SYT9: variants seen among roughly 807,000 people sequenced by gnomAD.
The protein encoded by SYT9 is synaptotagmin 9, also known as synaptotagmin-9.
Under a neutral mutation model 48.4 loss-of-function variants are expected in SYT9, and 22 were observed. The observed-to-expected ratio is 0.45, with a 90% CI of 0.32 to 0.65. The LOEUF (loss-of-function observed/expected upper bound fraction) is 0.65. Among genes scored for constraint, SYT9 ranks in the 30% least tolerant of loss-of-function variants. The probability of loss-of-function intolerance (pLI) is 0.03; values close to 1 mark genes in which losing one functional copy is unlikely to be tolerated. For missense variants in SYT9, 577 were observed against 622.0 expected, an observed-to-expected ratio of 0.93 and a Z score of 0.77; for synonymous variants, 265 against 245.0, an observed-to-expected ratio of 1.08 and a Z score of -0.76.
chr11:7,321,646 C>A (rs1208185800), intron 3 of SYT9, among the ~76,000 whole-genome samples: 1 of 152,178 alleles, frequency 6.6e-6, no homozygotes. Flanking sequence ...AACAGTACTG[C>A]TCCATGCAGA....
chr11:7,249,432 A>C (rs184078293), upstream of SYT9, among the ~76,000 whole-genome samples: 94 of 152,300 alleles, frequency 6.2e-4, no homozygotes, highest in African/African-American at 2.2e-3. Context: ...TCACACTCCA[A>C]AAGGACACAT....
At chr11:7,274,886 C>A (rs939139053) in intron 1 of SYT9, among the ~76,000 whole-genome samples, 1 of 152,148 alleles carries the variant, frequency 6.6e-6, no homozygotes. Flanking sequence ...TCCTCATGGC[C>A]ACGTTCCTCA....
chr11:7,353,272 G>A (rs1455424843), intron 3 of SYT9, among the ~76,000 whole-genome samples: 6 of 152,026 alleles, frequency 3.9e-5, no homozygotes, highest in Non-Finnish European at 8.8e-5. Flanking sequence ...CTTCTGCAGG[G>A]AGGCACACTT....
At chr11:7,285,542 C>G (rs1848580827) in intron 1 of SYT9, among the ~76,000 whole-genome samples, 1 of 152,112 alleles carries the variant, frequency 6.6e-6, no homozygotes, top group African/African-American at 2.4e-5. Flanking sequence ...CCATATCATT[C>G]CAACCCTGGC....
chr11:7,427,172 G>A (rs1054911415), intron 6 of SYT9: 7 of 152,188 alleles, frequency 4.6e-5, no homozygotes, highest in African/African-American at 1.4e-4. Flanking sequence ...GAATTCCCAT[G>A]CAGTGGAGTA....
At chr11:7,239,432 A>G (rs765688809) in intron 1 of SYT9, among the ~76,000 whole-genome samples, 4 of 152,160 alleles carry the variant, frequency 2.6e-5, no homozygotes, top group Non-Finnish European at 5.9e-5. Context: ...ATGTCTCATT[A>G]GCCCTAATTA....
intron 1 of SYT9, among the ~76,000 whole-genome samples, chr11:7,245,504 A>G (rs1847782146): frequency 6.6e-6 from 1 of 151,908 alleles, no homozygotes; most frequent in Non-Finnish European, 1.5e-5. Flanking sequence ...TCAGCATATA[A>G]ACTGGAGGTT....
intron 3 of SYT9, among the ~76,000 whole-genome samples, chr11:7,362,142 A>AT (rs59675647): frequency 0.02 from 2,738 of 138,332 alleles, 57 homozygotes; most frequent in African/African-American, 0.047. Context: ...ATTTTATTTT[A>AT]TTTTTTTTTT....
chr11:7,257,324 T>C (rs1388736511), intron 1 of SYT9, among the ~76,000 whole-genome samples: 1 of 152,144 alleles, frequency 6.6e-6, no homozygotes, highest in Non-Finnish European at 1.5e-5. Context: ...ACATTTTTCT[T>C]TTAAGGGCTC....
intron 3 of SYT9, among the ~76,000 whole-genome samples, chr11:7,322,893 C>A (rs991495559): frequency 6.6e-6 from 1 of 151,992 alleles, no homozygotes; most frequent in Non-Finnish European, 1.5e-5. Context: ...TAAGAATAGG[C>A]TATTCAGTTT....
chr11:7,389,127 G>A (rs1380927091), intron 3 of SYT9, among the ~76,000 whole-genome samples: 1 of 152,168 alleles, frequency 6.6e-6, no homozygotes, highest in Non-Finnish European at 1.5e-5. Context: ...TAAACCCTTA[G>A]AATATTCTGC....
intron 3 of SYT9, among the ~76,000 whole-genome samples, chr11:7,316,959 T>G (rs1016687277): frequency 6.6e-6 from 1 of 152,262 alleles, no homozygotes; most frequent in Non-Finnish European, 1.5e-5. Flanking sequence ...TTTGTTTTCC[T>G]TTCCTTGTTG....
intron 3 of SYT9, among the ~76,000 whole-genome samples, chr11:7,374,526 A>T (rs558329651): frequency 6.6e-6 from 1 of 152,210 alleles, no homozygotes; most frequent in Non-Finnish European, 1.5e-5. Context: ...ACTAATTTAC[A>T]TTCCCACCAA....
At chr11:7,242,919 G>T (rs1847754432) in intron 1 of SYT9, among the ~76,000 whole-genome samples, 1 of 152,100 alleles carries the variant, frequency 6.6e-6, no homozygotes, top group Admixed American at 6.5e-5. Flanking sequence ...GATGGTGGGT[G>T]CCTGTAATCC....
chr11:7,427,748 T>C (rs1847491692), intron 6 of SYT9: 1 of 152,242 alleles, frequency 6.6e-6, no homozygotes, highest in African/African-American at 2.4e-5. Context: ...AAAAATAAAC[T>C]ATTTTGAATG....
intron 1 of SYT9, among the ~76,000 whole-genome samples, chr11:7,241,872 T>C (rs951404936): frequency 3.3e-5 from 5 of 152,210 alleles, no homozygotes; most frequent in African/African-American, 9.7e-5. Context: ...AGGAGACATA[T>C]TGTATGGTGG....
At chr11:7,243,451 G>T (rs1847759381) in intron 1 of SYT9, among the ~76,000 whole-genome samples, 1 of 152,130 alleles carries the variant, frequency 6.6e-6, no homozygotes, top group Non-Finnish European at 1.5e-5. Flanking sequence ...CAATATAGTG[G>T]ATCTCTCCCT....
intron 3 of SYT9, among the ~76,000 whole-genome samples, chr11:7,405,322 T>C (rs778789769): frequency 7.2e-5 from 11 of 152,088 alleles, no homozygotes; most frequent in Non-Finnish European, 1.2e-4. Context: ...TCCTCCACAG[T>C]TGTGACGAGC....
intron 3 of SYT9, among the ~76,000 whole-genome samples, chr11:7,379,510 T>C (rs181812305): frequency 1.7e-3 from 260 of 152,244 alleles, no homozygotes; most frequent in African/African-American, 6.0e-3. Context: ...TAGACTGTGA[T>C]AGAGAAGAAT....
Sources: gnomAD v4.1 joint callset for allele counts (sites outside exome capture counted in the v4.1 genomes callset) on GRCh38, gnomAD v4.1.1 for gene constraint, MANE v1.5 for transcripts, NCBI Gene and HGNC (gene_info 2026-07-23, HGNC 2026-07-21) for gene names.